The following PODXL variants were observed in gnomAD, a reference collection of about 807,000 sequenced individuals.
The protein encoded by PODXL is podocalyxin.
Under a neutral mutation model 48.9 loss-of-function variants are expected in PODXL, and 20 were observed. That is an observed-to-expected ratio of 0.41 (90% confidence interval 0.29 to 0.59). The LOEUF is 0.59. Ranked by LOEUF, PODXL falls within the 20% of genes least tolerant of loss-of-function variation. The pLI is 0.31. For synonymous variants in PODXL, 295 were observed against 287.4 expected, an observed-to-expected ratio of 1.03 and a Z score of -0.27; for missense variants, 606 against 675.1, an observed-to-expected ratio of 0.90 and a Z score of 1.13.
chr7:131,539,101 C>T (rs1327422888), intron 1 of PODXL, among the ~76,000 whole-genome samples: 2 of 152,194 alleles, frequency 1.3e-5, no homozygotes, highest in Admixed American at 1.3e-4. Flanking sequence ...AACAAGTCAC[C>T]ACCACAGGAC....
rs186897272 is a variant in PODXL at position 131,517,149 on chromosome 7, G to C, written c.101-5716C>G. ...AGAACTCTTGTGGCTGACCTTCACT[G>C]GTCAGGTATGTTAATAGGAAATGCT... On this transcript the variant is annotated intron_variant, in intron 1 of 8. Transcript: ENST00000378555. Among the ~76,000 whole-genome samples the C allele has an allele frequency of 4.6e-5, 7 of 152,274 alleles. No individual in the cohort carries two copies. The East Asian group carries it at 1.3e-3, about 29-fold the overall frequency.
chr7:131,527,376 T>A (rs1033526219), intron 1 of PODXL, among the ~76,000 whole-genome samples: 8 of 152,226 alleles, frequency 5.3e-5, no homozygotes, highest in African/African-American at 1.7e-4. Flanking sequence ...CAATACTAAA[T>A]GTTTTTAGGG....
rs768021099 is a variant in PODXL at position 131,511,417 on chromosome 7, C to A, written c.117G>T (p.Thr39=). The change falls in exon 2 of 9, where the codon ACG becomes ACT. Residue 39 remains threonine, a synonymous_variant. Coordinates refer to ENST00000378555, the MANE Select transcript of PODXL (RefSeq NM_001018111.3). ...TCGGTGCTGTTTTGTTAGATGAGTC[C>A]GTAGTAGTCTGGGTTGCTGTTTGTA... is the stretch of plus-strand genomic sequence containing the variant. ...SPSQNATQTT[T]DSSNKTAPTP... is the part of the protein sequence containing the mutation. 5 of 1,600,858 alleles carry A rather than the reference C, an allele frequency of 3.1e-6. No individual in the cohort carries two copies. In the South Asian group the frequency reaches 3.3e-5, roughly 11 times the overall value.
At chr7:131,541,560 T>C (rs1251775417) in intron 1 of PODXL, among the ~76,000 whole-genome samples, 1 of 150,906 alleles carries the variant, frequency 6.6e-6, no homozygotes, top group Admixed American at 6.6e-5. Context: ...GTGGTGGGCG[T>C]CTCTAATCCC....
intron 8 of PODXL, 64 bp downstream of exon 8, chr7:131,505,804 C>G: frequency 6.9e-7 from 1 of 1,448,386 alleles, no homozygotes; most frequent in South Asian, 1.3e-5. Flanking sequence ...TCGGGAATCA[C>G]GAGGGGAGGG....
At chr7:131,545,925 G>A (rs1584832132) in intron 1 of PODXL, among the ~76,000 whole-genome samples, 1 of 152,252 alleles carries the variant, frequency 6.6e-6, no homozygotes, top group East Asian at 1.9e-4. Context: ...TATGGTGCTA[G>A]CCCAGACTTA....
chr7:131,536,977 G>A (rs1798385505), intron 1 of PODXL, among the ~76,000 whole-genome samples: 1 of 151,878 alleles, frequency 6.6e-6, no homozygotes, highest in Non-Finnish European at 1.5e-5. Context: ...ATACAAAAAT[G>A]AGCTGGGTGT....
intron 1 of PODXL, among the ~76,000 whole-genome samples, chr7:131,548,739 G>A (rs1328629503): frequency 6.6e-6 from 1 of 152,204 alleles, no homozygotes; most frequent in Non-Finnish European, 1.5e-5. Context: ...ATCCTCAGCT[G>A]AAGGATCCTT....
chr7:131,506,843 C>T (rs2116780212), intron 5 of PODXL, 117 bp from the exon 6 acceptor site: 2 of 1,095,900 alleles, frequency 1.8e-6, no homozygotes, highest in South Asian at 1.4e-5. Flanking sequence ...AACCTGCCTC[C>T]CTCTCTAGCC....
chr7:131,528,744 C>T (rs943418614), intron 1 of PODXL, among the ~76,000 whole-genome samples: 1 of 152,146 alleles, frequency 6.6e-6, no homozygotes. Context: ...AAAGGTTTAT[C>T]TGAGAATGGG....
intron 1 of PODXL, among the ~76,000 whole-genome samples, chr7:131,529,671 T>C (rs1484212952): frequency 1.3e-5 from 2 of 151,718 alleles, no homozygotes; most frequent in Non-Finnish European, 2.9e-5. Flanking sequence ...TGTTCCTCGA[T>C]TGGTGTGCCA....
At chr7:131,532,463 T>C (rs1036040932) in intron 1 of PODXL, among the ~76,000 whole-genome samples, 10 of 148,682 alleles carry the variant, frequency 6.7e-5, no homozygotes, top group Non-Finnish European at 1.5e-4. Context: ...TAAAAATAAA[T>C]AATAATAATA....
In PODXL at chr7:131,519,699, T is replaced by C. The variant is rs116181550; in HGVS notation, c.101-8266A>G. 7.9e-3 allele frequency among the ~76,000 whole-genome samples: 1,196 copies of C among 152,208 alleles called. 15 individuals carry two copies. Among genetic ancestry groups the C allele is most frequent in the African/African-American group, 0.027 (1,128 of 41,534 alleles). ...TACCTTATGGGCAAATATTTATAAA[T>C]CTGAAGCAGACGAGACAGACAAATT... On this transcript the variant is annotated intron_variant, in intron 1 of 8. Coordinates refer to ENST00000378555, the MANE Select transcript of PODXL (RefSeq NM_001018111.3).
At chr7:131,553,468 A>G (rs1431714149) in intron 1 of PODXL, among the ~76,000 whole-genome samples, 2 of 152,194 alleles carry the variant, frequency 1.3e-5, no homozygotes, top group Admixed American at 1.3e-4. Context: ...TGCTCAATAT[A>G]TATGCTTACT....
chr7:131,507,902 A>C (rs1797836713), intron 5 of PODXL, among the ~76,000 whole-genome samples: 1 of 152,220 alleles, frequency 6.6e-6, no homozygotes, highest in Non-Finnish European at 1.5e-5. Context: ...ATGGACACCC[A>C]AAAGAAAACA....
At chr7:131,526,325 G>GAGCATCC (rs1195432861) in intron 1 of PODXL, among the ~76,000 whole-genome samples, 16 of 152,096 alleles carry the variant, frequency 1.1e-4, no homozygotes, top group Non-Finnish European at 2.2e-4. Context: ...AACAAAACAA[G>GAGCATCC]AAATACTGGA....
chr7:131,506,091 G>C (rs370160454), intron 7 of PODXL, 56 bp from the exon 8 acceptor site: 21 of 1,579,096 alleles, frequency 1.3e-5, no homozygotes, highest in East Asian at 1.1e-4. Context: ...CTCAGCCCCC[G>C]GCTTCACTGT....
Position 131,503,951 on chromosome 7 carries a change from C to A in PODXL, c.*360G>T, listed in dbSNP as rs967484569. On this transcript the variant is annotated 3_prime_UTR_variant, in exon 9 of 9. Coordinates refer to ENST00000378555, the MANE Select transcript of PODXL (RefSeq NM_001018111.3). ...CTTTGTTCTCATCCTGGCTCTGTCA[C>A]CAAGTGGCTCTGACCTTGGGCAAGT... 2.6e-5 allele frequency: 8 copies of A among 308,536 alleles called. 1 individual carries two copies. The highest frequency in any genetic ancestry group is 4.3e-5 in the Non-Finnish European group (7 of 162,686). The allele number at this position is 308,536 out of a possible 1,614,324, so 19.1% of individuals were successfully genotyped here. A position where few individuals can be genotyped will look rare whatever the true frequency, so the allele number is the denominator to read the frequency against.
intron 1 of PODXL, among the ~76,000 whole-genome samples, chr7:131,517,863 C>G (rs562552236): frequency 3.5e-4 from 53 of 152,184 alleles, no homozygotes; most frequent in African/African-American, 1.3e-3. Context: ...CTCAGCCTCC[C>G]AAGTACCTGG....
Sources: allele counts gnomAD v4.1 joint callset (sites outside exome capture counted in the v4.1 genomes callset), GRCh38; gene constraint gnomAD v4.1.1; transcripts MANE v1.5; gene names NCBI Gene and HGNC (gene_info 2026-07-23, HGNC 2026-07-21).